SNX8: variants seen among roughly 807,000 people sequenced by gnomAD.
The protein encoded by SNX8 is sorting nexin 8.
Under a neutral mutation model 51.6 loss-of-function variants are expected in SNX8, and 25 were observed. The ratio of observed to expected loss-of-function variants is 0.48; its 90% CI spans 0.35 to 0.68. The LOEUF (loss-of-function observed/expected upper bound fraction) is 0.68. Ranked by LOEUF, SNX8 falls within the 30% of genes least tolerant of loss-of-function variation. SNX8 has a pLI of 0.00. For synonymous variants in SNX8, 324 were observed against 277.0 expected (o/e 1.17, Z -1.68); for missense variants, 695 against 624.0 (o/e 1.11, Z -1.21).
At chr7:2,301,737 C>A (rs1346187640) in intron 1 of SNX8, among the ~76,000 whole-genome samples, 1 of 152,168 alleles carries the variant, frequency 6.6e-6, no homozygotes, top group Admixed American at 6.5e-5. Flanking sequence ...GAAGGTGATT[C>A]TGCCCTGGAC....
At chr7:2,347,318 T>C (rs931712811) in intron 1 of SNX8, among the ~76,000 whole-genome samples, 3 of 151,388 alleles carry the variant, frequency 2.0e-5, no homozygotes, top group East Asian at 2.0e-4. Context: ...CTGTTTCTAA[T>C]AAAAATACAA....
intron 1 of SNX8, among the ~76,000 whole-genome samples, chr7:2,344,773 T>C (rs945512810): frequency 2.0e-5 from 3 of 149,498 alleles, no homozygotes; most frequent in Non-Finnish European, 4.5e-5. Flanking sequence ...ACACGAAAAT[T>C]AGCCAGCTGG....
rs762869640 is a variant in SNX8, at chr7:2,255,031, G to A, written c.*25C>T. 1.4e-6 allele frequency: 2 copies of A among 1,459,720 alleles called. No homozygotes were observed. Among genetic ancestry groups the A allele is most frequent in the South Asian group, 1.2e-5 (1 of 82,464 alleles). The allele number at this position is 1,459,720 out of a possible 1,614,324, so 90.4% of individuals were successfully genotyped here. On this transcript the variant is annotated 3_prime_UTR_variant, in exon 11 of 11. Coordinates refer to ENST00000222990, the MANE Select transcript of SNX8 (RefSeq NM_013321.4). ...GGAAAGAGGTTTTAGTGCGGCCGCAGGGAGCACCACCTCAGCCTCAGGCGC... is the reference window on the plus strand; with the variant it reads ...GGAAAGAGGTTTTAGTGCGGCCGCAAGGAGCACCACCTCAGCCTCAGGCGC...
At chr7:2,321,710 G>C (rs762122497) in intron 1 of SNX8, among the ~76,000 whole-genome samples, 4 of 137,104 alleles carry the variant, frequency 2.9e-5, no homozygotes, top group South Asian at 2.3e-4. Context: ...CACCGCGCCC[G>C]GCCTTTTTTT....
At chr7:2,264,870 A>G (rs941863545) in intron 5 of SNX8, among the ~76,000 whole-genome samples, 1 of 152,032 alleles carries the variant, frequency 6.6e-6, no homozygotes, top group African/African-American at 2.4e-5. Context: ...CCCCATCTCC[A>G]CTAAAAATAC....
chr7:2,311,438 GT>G (rs756450553), intron 1 of SNX8, among the ~76,000 whole-genome samples: 7 of 152,024 alleles, frequency 4.6e-5, no homozygotes, highest in African/African-American at 9.7e-5. Context: ...GTCCAGGCTG[GT>G]CTCTAGCGCC....
chr7:2,330,348 G>C (rs780801345), intron 1 of SNX8, among the ~76,000 whole-genome samples: 7 of 151,804 alleles, frequency 4.6e-5, no homozygotes, highest in Non-Finnish European at 8.8e-5. Context: ...ATGTTGCCCA[G>C]GCTGGTCTTG....
intron 1 of SNX8, among the ~76,000 whole-genome samples, chr7:2,336,922 T>A (rs1011730371): frequency 1.3e-5 from 2 of 151,286 alleles, no homozygotes; most frequent in Admixed American, 1.3e-4. Flanking sequence ...GGCATGAGAA[T>A]CGCTTGAACC....
At chr7:2,272,668 G>A (rs559305681) in intron 3 of SNX8, among the ~76,000 whole-genome samples, 4 of 151,564 alleles carry the variant, frequency 2.6e-5, no homozygotes, top group Non-Finnish European at 5.9e-5. Context: ...AAGCCACCGC[G>A]CCCGGCCGAG....
intron 5 of SNX8, among the ~76,000 whole-genome samples, chr7:2,267,052 C>T (rs535342364): frequency 9.8e-5 from 15 of 152,346 alleles, no homozygotes; most frequent in African/African-American, 3.4e-4. Context: ...AGCCGCAACC[C>T]GGCCCTGCTG....
chr7:2,300,072 C>G (rs1270305837), intron 1 of SNX8, among the ~76,000 whole-genome samples: 1 of 152,172 alleles, frequency 6.6e-6, no homozygotes, highest in South Asian at 2.1e-4. Context: ...AAATTAGGAA[C>G]TGTGAAAAAT....
chr7:2,317,761 C>T (rs757365925), upstream of SNX8, among the ~76,000 whole-genome samples: 11 of 152,074 alleles, frequency 7.2e-5, no homozygotes, highest in African/African-American at 9.7e-5. Context: ...ATAGGGTCCC[C>T]GCACACCAGG....
intron 2 of SNX8, among the ~76,000 whole-genome samples, chr7:2,275,949 G>A (rs1354670418): frequency 2.0e-5 from 3 of 150,136 alleles, no homozygotes; most frequent in African/African-American, 7.4e-5. Flanking sequence ...GGTGAGCTGA[G>A]ATCACGCCAC....
At chr7:2,285,113 G>A (rs76080135) in intron 1 of SNX8, among the ~76,000 whole-genome samples, 41,113 of 150,854 alleles carry the variant, frequency 0.27, 6,851 homozygotes, top group East Asian at 0.51. Flanking sequence ...TCGGGAGTCT[G>A]AGGCAGGAGA....
chr7:2,279,503 G>A (rs1367660653), intron 1 of SNX8, among the ~76,000 whole-genome samples: 2 of 152,106 alleles, frequency 1.3e-5, no homozygotes, highest in Non-Finnish European at 2.9e-5. Context: ...TGTAATCCTG[G>A]GACTTGGGGA....
intron 1 of SNX8, among the ~76,000 whole-genome samples, chr7:2,335,670 GC>G (rs1778813578): frequency 6.6e-6 from 1 of 151,790 alleles, no homozygotes; most frequent in Non-Finnish European, 1.5e-5. Context: ...GGGCGTGGTG[GC>G]AGGCGCCTGT....
chr7:2,267,601 C>A (rs370829667), intron 5 of SNX8, among the ~76,000 whole-genome samples: 2,172 of 143,740 alleles, frequency 0.015, 11 homozygotes, highest in Middle Eastern at 0.033. Flanking sequence ...GACGGAGTCT[C>A]GTTCACTCAG....
intron 3 of SNX8, among the ~76,000 whole-genome samples, chr7:2,273,775 G>A (rs1795706561): frequency 6.6e-6 from 1 of 151,000 alleles, no homozygotes; most frequent in Admixed American, 6.6e-5. Context: ...GTGGTGGCGG[G>A]CGCCTGTAGT....
chr7:2,257,111 G>T, intron 9 of SNX8, 88 bp from the exon 10 acceptor site: 1 of 1,428,504 alleles, frequency 7.0e-7, no homozygotes, highest in East Asian at 2.5e-5. Flanking sequence ...CCTGAGCCAG[G>T]GCGGCCCCTT....
Sources: allele counts gnomAD v4.1 joint callset (sites outside exome capture counted in the v4.1 genomes callset), GRCh38; gene constraint gnomAD v4.1.1; transcripts MANE v1.5; gene names NCBI Gene and HGNC (gene_info 2026-07-23, HGNC 2026-07-21).